The following ZNF384 variants were observed in gnomAD, a reference collection of about 807,000 sequenced individuals.
The protein encoded by ZNF384 is CAG repeat protein 1.
In ZNF384, 20 loss-of-function variants were observed where a neutral mutation model predicts 65.0. The ratio of observed to expected loss-of-function variants is 0.31; its 90% CI spans 0.22 to 0.45. The LOEUF (loss-of-function observed/expected upper bound fraction) is 0.45. Ranked by LOEUF, ZNF384 falls within the 20% of genes least tolerant of loss-of-function variation. The pLI, the probability that ZNF384 is intolerant of heterozygous loss-of-function variation, is 1.00. For missense variants in ZNF384, 549 were observed against 769.4 expected (o/e 0.71, Z 3.39); for synonymous variants, 310 against 303.9 (o/e 1.02, Z -0.21).
Position 6,683,890 on chromosome 12 carries a change from G to A in ZNF384, c.-6+4277C>T, listed in dbSNP as rs557935633. Among the ~76,000 whole-genome samples the A allele has an allele frequency of 9.2e-4, 139 of 151,748 alleles. 2 individuals carry two copies. The highest frequency in any genetic ancestry group is 1.3e-3 in the South Asian group (6 of 4,796). The stretch of plus-strand genomic sequence containing the variant: ...ATATTAGCCAGGCATGGTGGCGCAC[G>A]CCTGTAGTCCCAGCTATTCAGGAGG... On this transcript the variant is annotated intron_variant, in intron 2 of 11. Coordinates refer to ENST00000683879, the MANE Select transcript of ZNF384 (RefSeq NM_001385745.1).
Position 6,678,918 on chromosome 12 carries a change from C to G in ZNF384, c.304+28G>C, listed in dbSNP as rs767840116. 4.4e-6 allele frequency: 7 copies of G among 1,606,020 alleles called. No homozygotes were observed. In the East Asian group the frequency reaches 1.6e-4, roughly 36 times the overall value. On this transcript the variant is annotated intron_variant, in intron 4 of 11. Transcript: ENST00000683879. The surrounding 1 kb of genome is among the most constrained non-coding windows in gnomAD (Gnocchi z 4.9). Reference sequence around the variant, plus strand: ...TACTGATCATGGAAGATCAACACCTCAGATTGGAGAAGAGCAGAGTTGCTC... The same window carrying G: ...TACTGATCATGGAAGATCAACACCTGAGATTGGAGAAGAGCAGAGTTGCTC...
At position 6,672,170 on chromosome 12, in the gene ZNF384, T is replaced by C; in HGVS notation, c.1187+180A>G. On this transcript the variant is annotated intron_variant, in intron 9 of 11. Coordinates refer to ENST00000683879, the MANE Select transcript of ZNF384 (RefSeq NM_001385745.1). This position sits in a 1 kb window ranked among gnomAD's most constrained non-coding sequence, Gnocchi z 4.4. ...GACGTAGCTCTTGCCCCAGAGAAGC[T>C]CTGTGTCCACTTGAATCTCCAGTGT... The C allele has an allele frequency of 1.6e-6, 1 of 633,084 alleles. No homozygotes were observed. The highest frequency in any genetic ancestry group is 2.7e-6 in the Non-Finnish European group (1 of 370,192). The allele number at this position is 633,084 out of a possible 1,614,324, so 39.2% of individuals were successfully genotyped here. A position where few individuals can be genotyped will look rare whatever the true frequency, so the allele number is the denominator to read the frequency against.
In ZNF384 at chr12:6,679,174, T is replaced by G. The variant is rs1565438369; in HGVS notation, c.76A>C (p.Thr26Pro). Residue 26 changes from threonine to proline, a missense_variant, in exon 4 of 12, where the codon ACA becomes CCA. Around this residue, in one of 5 missense-constraint regions of ZNF384, gnomAD observed 277 missense variants for 337.2 expected, o/e 0.82. Coordinates refer to ENST00000683879, the MANE Select transcript of ZNF384 (RefSeq NM_001385745.1). ...TCCTTCATCTTGTTGATGAACATTG[T>G]GTTCTCGATCTAAGAGAAAAGGAAG... is the stretch of plus-strand genomic sequence containing the variant. ...IPTVSGQIEN[T>P]MFINKMKDQL... The G allele has an allele frequency of 1.3e-6, 2 of 1,579,334 alleles. No individual in the cohort carries two copies. Among genetic ancestry groups the G allele is most frequent in the Middle Eastern group, 1.7e-4 (1 of 5,874 alleles).
At chr12:6,668,922 C>T (rs1950498216) in intron 11 of ZNF384, 109 bp downstream of exon 11, 2 of 1,221,042 alleles carry the variant, frequency 1.6e-6, no homozygotes, top group Admixed American at 2.7e-5. Context: ...TAAGTTGGAG[C>T]TAGGGAGGCA....
At position 6,666,634 on chromosome 12, in the gene ZNF384, TA is replaced by T. The variant is rs748392729; in HGVS notation, c.*1079del. The T allele has an allele frequency of 0.037, 4,945 of 133,860 alleles. 63 individuals carry two copies. The highest frequency in any genetic ancestry group is 0.12 in the East Asian group (742 of 6,012). 8.3% of individuals were successfully genotyped at this position (133,860 alleles called of 1,614,324 possible). On this transcript the variant is annotated 3_prime_UTR_variant, in exon 12 of 12. Transcript: ENST00000683879. Reference sequence around the variant, plus strand: ...CTTTCCTCTGAAATCTGCCATGATTTAAAAAAAAAAAAAAAAGACAAAAAGA... The same window carrying T: ...CTTTCCTCTGAAATCTGCCATGATTTAAAAAAAAAAAAAAAGACAAAAAGA...
intron 2 of ZNF384, among the ~76,000 whole-genome samples, chr12:6,683,724 G>A (rs546789619): frequency 8.6e-5 from 13 of 150,312 alleles, no homozygotes; most frequent in Non-Finnish European, 1.6e-4. Context: ...ATGTGAAAAC[G>A]TAGGAAGGAG....
At chr12:6,688,392 C>T (rs1002716417) in intron 1 of ZNF384, 166 bp from the exon 2 acceptor site, 2 of 152,252 alleles carry the variant, frequency 1.3e-5, no homozygotes, top group African/African-American at 4.8e-5. Flanking sequence ...CTAGTGCTAC[C>T]CTCTACGTGG....
rs957228016 is a variant in ZNF384, at chr12:6,672,270, G to A, written c.1187+80C>T. ...GGTCTCTCCCCCGCCCCCCGCATGC[G>A]GGTTGTTGTGTGTGTCCGGGGCGGG... is the stretch of plus-strand genomic sequence containing the variant. On this transcript the variant is annotated intron_variant, in intron 9 of 11. Coordinates refer to ENST00000683879, the MANE Select transcript of ZNF384 (RefSeq NM_001385745.1). The surrounding 1 kb of genome is among the most constrained non-coding windows in gnomAD (Gnocchi z 4.4). 14 of 1,463,472 alleles carry A rather than the reference G, an allele frequency of 9.6e-6. No homozygotes were observed. The highest frequency in any genetic ancestry group is 4.2e-5 in the African/African-American group (3 of 71,752). 90.7% of individuals were successfully genotyped at this position (1,463,472 alleles called of 1,614,324 possible). A position where few individuals can be genotyped will look rare whatever the true frequency, so the allele number is the denominator to read the frequency against.
At chr12:6,680,578 C>T (rs183762126) in intron 2 of ZNF384, among the ~76,000 whole-genome samples, 7 of 150,778 alleles carry the variant, frequency 4.6e-5, no homozygotes, top group East Asian at 2.0e-4. Context: ...AACCGGGAGG[C>T]GGAGGTTTCA....
rs1380513447 is a variant in ZNF384, at chr12:6,678,440, A to G, written c.373T>C (p.Ser125Pro). 1 of 1,590,776 alleles carries G rather than the reference A, an allele frequency of 6.3e-7. No homozygotes were observed. Among genetic ancestry groups the G allele is most frequent in the Non-Finnish European group, 8.6e-7 (1 of 1,168,118 alleles). ...GTGGTCACAAGAGAGCCTGAGGGGG[A>G]CGTGATTACCAAACCCGGACCTAGG... ...QSRGPGLVIT[S>P]PSGSLVTTAS... The change falls in exon 6 of 12, where the codon TCC becomes CCC. Residue 125 changes from serine to proline, a missense_variant. Coordinates refer to ENST00000683879, the MANE Select transcript of ZNF384 (RefSeq NM_001385745.1). This position sits in a 1 kb window ranked among gnomAD's most constrained non-coding sequence, Gnocchi z 4.9.
rs146089604 is a variant in ZNF384, at chr12:6,678,095, C to T, written c.686+32G>A. On this transcript the variant is annotated intron_variant, in intron 6 of 11. Transcript: ENST00000683879. The surrounding 1 kb of genome is among the most constrained non-coding windows in gnomAD (Gnocchi z 4.9). ...GGAGAATCACCAAGCCAGGGATCCTCGCCCCATCCTGCCCCTGGCTCTGAG... is the reference window on the plus strand; with the variant it reads ...GGAGAATCACCAAGCCAGGGATCCTTGCCCCATCCTGCCCCTGGCTCTGAG... 4,857 of 1,577,606 alleles carry T rather than the reference C, an allele frequency of 3.1e-3. 31 individuals carry two copies. The Middle Eastern group carries it at 0.042, about 14-fold the overall frequency.
In ZNF384 at chr12:6,672,269, C is replaced by T. The variant is rs1173889315; in HGVS notation, c.1187+81G>A. The T allele has an allele frequency of 1.3e-5, 19 of 1,451,822 alleles. No individual in the cohort carries two copies. Among genetic ancestry groups the T allele is most frequent in the East Asian group, 9.7e-5 (4 of 41,250 alleles). The allele number at this position is 1,451,822 out of a possible 1,614,324, so 89.9% of individuals were successfully genotyped here. A position where few individuals can be genotyped will look rare whatever the true frequency, so the allele number is the denominator to read the frequency against. Reference sequence around the variant, plus strand: ...AGGTCTCTCCCCCGCCCCCCGCATGCGGGTTGTTGTGTGTGTCCGGGGCGG... The same window carrying T: ...AGGTCTCTCCCCCGCCCCCCGCATGTGGGTTGTTGTGTGTGTCCGGGGCGG... On this transcript the variant is annotated intron_variant, in intron 9 of 11. Transcript: ENST00000683879. This position sits in a 1 kb window ranked among gnomAD's most constrained non-coding sequence, Gnocchi z 4.4.
Position 6,678,447 on chromosome 12 carries a change from T to C in ZNF384, c.366A>G (p.Val122=). Residue 122 remains valine (V), a synonymous_variant, in exon 6 of 12, where the codon GTA becomes GTG. Coordinates refer to ENST00000683879, the MANE Select transcript of ZNF384 (RefSeq NM_001385745.1). This position sits in a 1 kb window ranked among gnomAD's most constrained non-coding sequence, Gnocchi z 4.9. ...EGSQSRGPGL[V]ITSPSGSLVT... is the part of the protein sequence containing the mutation. ...CAAGAGAGCCTGAGGGGGACGTGATTACCAAACCCGGACCTAGGATTGGGA... is the reference window on the plus strand; with the variant it reads ...CAAGAGAGCCTGAGGGGGACGTGATCACCAAACCCGGACCTAGGATTGGGA... 6.3e-7 allele frequency: 1 copy of C among 1,586,492 alleles called. No individual in the cohort carries two copies. The highest frequency in any genetic ancestry group is 8.6e-7 in the Non-Finnish European group (1 of 1,165,642).
In ZNF384 at chr12:6,672,400, G is replaced by C. The variant is rs1456188089; in HGVS notation, c.1137C>G (p.Ser379=). The C allele has an allele frequency of 2.5e-6, 4 of 1,614,060 alleles. No individual in the cohort carries two copies. The highest frequency in any genetic ancestry group is 2.7e-5 in the African/African-American group (2 of 74,946). The change falls in exon 9 of 12, where the codon TCC becomes TCG. Residue 379 remains serine, a synonymous_variant. Transcript: ENST00000683879. The surrounding 1 kb of genome is among the most constrained non-coding windows in gnomAD (Gnocchi z 4.4). ...GCTGGCGGAAGGCCTTCTGGCAGTA[G>C]GAACAGTTGTAGGGCTTGGCCCCCG... ...IHSGAKPYNC[S]YCQKAFRQLS...
chr12:6,673,464 T>C lies in ZNF384; in HGVS notation c.780-24A>G. ...ACCTGAGCCAAGTGAGGGCAATGGT[T>C]AGAACCCTTCCCATCAAGAAGGTGT... is the stretch of plus-strand genomic sequence containing the variant. On this transcript the variant is annotated intron_variant, in intron 7 of 11. Coordinates refer to ENST00000683879, the MANE Select transcript of ZNF384 (RefSeq NM_001385745.1). This position sits in a 1 kb window ranked among gnomAD's most constrained non-coding sequence, Gnocchi z 4.7. The C allele has an allele frequency of 6.2e-7, 1 of 1,607,658 alleles. No homozygotes were observed. Among genetic ancestry groups the C allele is most frequent in the Non-Finnish European group, 8.5e-7 (1 of 1,175,388 alleles).
In ZNF384 at chr12:6,667,154, C is replaced by T. The variant is rs963048508; in HGVS notation, c.*560G>A. On this transcript the variant is annotated 3_prime_UTR_variant, in exon 12 of 12. Transcript: ENST00000683879. ...CTTCAAATAAAAGGAGGTCTAGCCC[C>T]TACCCCAAATCTCCTTCTACCAGCA... is the stretch of plus-strand genomic sequence containing the variant. 7.7e-6 allele frequency: 2 copies of T among 260,892 alleles called. No homozygotes were observed. Among genetic ancestry groups the T allele is most frequent in the Non-Finnish European group, 1.5e-5 (2 of 133,424 alleles). 16.2% of individuals were successfully genotyped at this position (260,892 alleles called of 1,614,324 possible). A position where few individuals can be genotyped will look rare whatever the true frequency, so the allele number is the denominator to read the frequency against.
rs1951865846 is a variant in ZNF384, at chr12:6,672,461, T to C, written c.1076A>G (p.Asn359Ser). 1.5e-5 allele frequency: 24 copies of C among 1,613,956 alleles called. No homozygotes were observed. Among genetic ancestry groups the C allele is most frequent in the Non-Finnish European group, 2.0e-5 (24 of 1,179,994 alleles). ...GAGGTGCTGGGCCAGGTAGGAGGTG[T>C]TGGCGAAGGTCTTGGAGCAGTGCGG... ...KCPHCSKTFA[N>S]TSYLAQHLRI... Residue 359 changes from asparagine to serine, a missense_variant, in exon 9 of 12, where the codon AAC (asparagine) becomes AGC (serine). Physicochemically the swap from Asn to Ser is conservative, Grantham distance 46. This residue lies in a region of ZNF384 where 59 missense variants were observed against 63.6 expected (regional missense o/e 0.93). Transcript: ENST00000683879. The surrounding 1 kb of genome is among the most constrained non-coding windows in gnomAD (Gnocchi z 4.4).
intron 7 of ZNF384, among the ~76,000 whole-genome samples, chr12:6,676,560 G>C (rs756270981): frequency 2.6e-5 from 4 of 152,176 alleles, no homozygotes; most frequent in Non-Finnish European, 5.9e-5. Flanking sequence ...AGTGAAGAAA[G>C]GGCAGAATGA....
chr12:6,678,044 C>T lies in ZNF384; in HGVS notation c.686+83G>A, dbSNP rs1487492463. Reference sequence around the variant, plus strand: ...AAGCTGTCAGAGTGTAGCGCCTGACCGGGGCAGAACACAATGAGGGTACAG... The same window carrying T: ...AAGCTGTCAGAGTGTAGCGCCTGACTGGGGCAGAACACAATGAGGGTACAG... On this transcript the variant is annotated intron_variant, in intron 6 of 11. Coordinates refer to ENST00000683879, the MANE Select transcript of ZNF384 (RefSeq NM_001385745.1). This position sits in a 1 kb window ranked among gnomAD's most constrained non-coding sequence, Gnocchi z 4.9. 6 of 1,331,918 alleles carry T rather than the reference C, an allele frequency of 4.5e-6. No individual in the cohort carries two copies. In the South Asian group the frequency reaches 5.3e-5, roughly 12 times the overall value. 82.5% of individuals were successfully genotyped at this position (1,331,918 alleles called of 1,614,324 possible).
Sources: allele counts gnomAD v4.1 joint callset (sites outside exome capture counted in the v4.1 genomes callset), GRCh38; gene constraint gnomAD v4.1.1; regional missense constraint gnomAD v4.1.1; non-coding constraint Gnocchi (gnomAD v3.1); transcripts MANE v1.5; gene names NCBI Gene and HGNC (gene_info 2026-07-23, HGNC 2026-07-21).